The following KIAA0586 variants were observed in gnomAD, a reference collection of about 807,000 sequenced individuals.
KIAA0586 encodes the protein protein TALPID3.
Under a neutral mutation model 169.8 loss-of-function variants are expected in KIAA0586, and 144 were observed. The ratio of observed to expected loss-of-function variants is 0.85; its 90% CI spans 0.74 to 0.97. The LOEUF is 0.97. KIAA0586 is among the 50% of genes least tolerant of loss of function. The pLI, the probability that KIAA0586 is intolerant of heterozygous loss-of-function variation, is 0.00. For synonymous variants in KIAA0586, 625 were observed against 612.4 expected, an observed-to-expected ratio of 1.02 and a Z score of -0.30; for missense variants, 1,854 against 1,823.0, an observed-to-expected ratio of 1.02 and a Z score of -0.31.
intron 18 of KIAA0586, among the ~76,000 whole-genome samples, chr14:58,473,275 G>A (rs946295547): frequency 5.3e-5 from 8 of 152,094 alleles, no homozygotes; most frequent in African/African-American, 1.9e-4. Context: ...ATGTGAAGGG[G>A]AAAGTGGCTA....
At chr14:58,530,308 C>A (rs1243134853) in intron 29 of KIAA0586, among the ~76,000 whole-genome samples, 1 of 152,166 alleles carries the variant, frequency 6.6e-6, no homozygotes, top group Non-Finnish European at 1.5e-5. Flanking sequence ...ATCAAGCTAC[C>A]AATGACTTTC....
At chr14:58,500,382 A>G (rs143064178) in intron 27 of KIAA0586, among the ~76,000 whole-genome samples, 2,032 of 152,302 alleles carry the variant, frequency 0.013, 22 homozygotes, top group Middle Eastern at 0.024. Context: ...TATTTTCTCC[A>G]TAAGACACAG....
chr14:58,487,489 C>T (rs1264023827), intron 22 of KIAA0586, among the ~76,000 whole-genome samples: 2 of 151,896 alleles, frequency 1.3e-5, no homozygotes, highest in African/African-American at 4.8e-5. Context: ...GCCTGTAATC[C>T]CAGCTACTCA....
chr14:58,482,044 C>T (rs2042062184), intron 20 of KIAA0586, among the ~76,000 whole-genome samples: 1 of 150,732 alleles, frequency 6.6e-6, no homozygotes, highest in Non-Finnish European at 1.5e-5. Flanking sequence ...AATCTCCTGA[C>T]CTCATGATCC....
chr14:58,525,837 CA>C (rs562640851), intron 29 of KIAA0586, among the ~76,000 whole-genome samples: 138 of 152,334 alleles, frequency 9.1e-4, no homozygotes, highest in African/African-American at 3.1e-3. Context: ...GCCAGCACAG[CA>C]GTCTGAAGTC....
At chr14:58,474,573 A>G in intron 18 of KIAA0586, 34 bp from the exon 19 acceptor site, 4 of 1,439,030 alleles carry the variant, frequency 2.8e-6, no homozygotes, top group South Asian at 1.4e-5. Context: ...GAACAAATAC[A>G]TGAATATAAT....
At chr14:58,559,723 G>A in the KIAA0586 span, among the ~76,000 whole-genome samples, 1 of 152,196 alleles carries the variant, frequency 6.6e-6, no homozygotes, top group Non-Finnish European at 1.5e-5. Context: ...AGAATAGGAT[G>A]TCAGGATGAA....
chr14:58,430,917 C>T (rs927443345), intron 3 of KIAA0586, among the ~76,000 whole-genome samples, 200 bp downstream of exon 3: 1 of 152,138 alleles, frequency 6.6e-6, no homozygotes, highest in East Asian at 1.9e-4. Flanking sequence ...ATCCCCTCAG[C>T]CCTGGGCATC....
intron 14 of KIAA0586, chr14:58,464,074 G>A: frequency 2.4e-6 from 1 of 423,176 alleles, no homozygotes; most frequent in East Asian, 7.5e-5. Flanking sequence ...TCACATTGAT[G>A]ATCTGGAGAA....
chr14:58,467,451 G>A (rs1401614927), intron 15 of KIAA0586, among the ~76,000 whole-genome samples: 1 of 152,140 alleles, frequency 6.6e-6, no homozygotes, highest in Non-Finnish European at 1.5e-5. Context: ...GGAAGTGAAA[G>A]TTTTTGACAT....
intron 26 of KIAA0586, among the ~76,000 whole-genome samples, chr14:58,498,463 A>T (rs150076324): frequency 1.3e-5 from 2 of 152,316 alleles, no homozygotes; most frequent in Non-Finnish European, 1.5e-5. Context: ...GGCATGAGCC[A>T]CCGTGCTGGC....
At chr14:58,427,471 G>T (rs2036912509), upstream of KIAA0586, 4 of 887,988 alleles carry the variant, frequency 4.5e-6, no homozygotes, top group Middle Eastern at 4.9e-4. Context: ...ATTACAAGTC[G>T]GGAGCTCTTC....
At position 58,505,791 on chromosome 14, in the gene KIAA0586, G is replaced by GTTTAAAGTTTTT. The variant is rs1185155551; in HGVS notation, c.4169-2764_4169-2763insTTTAAAGTTTTT. Among the ~76,000 whole-genome samples the GTTTAAAGTTTTT allele has an allele frequency of 4.6e-4, 70 of 152,136 alleles. No homozygotes were observed. The East Asian group carries it at 0.011, about 23-fold the overall frequency. On this transcript the variant is annotated intron_variant, in intron 27 of 30. Transcript: ENST00000652326. ...CTCAGTTTTTCTTGTTAGTTTTAAA[G>GTTTAAAGTTTTT]CTGTTTCTATAGTTTAGATGTTTTC...
At chr14:58,531,679 C>G (rs2045977344) in intron 29 of KIAA0586, among the ~76,000 whole-genome samples, 1 of 152,214 alleles carries the variant, frequency 6.6e-6, no homozygotes, top group South Asian at 2.1e-4. Context: ...AATCCCTTTA[C>G]TGGGTATATA....
intron 30 of KIAA0586, among the ~76,000 whole-genome samples, chr14:58,543,347 A>T (rs1256967111): frequency 6.6e-6 from 1 of 152,144 alleles, no homozygotes; most frequent in African/African-American, 2.4e-5. Context: ...CCCTAAACCC[A>T]ACAGAATGTG....
Position 58,540,081 on chromosome 14 carries a change from T to C in KIAA0586, c.4440T>C (p.Gly1480=). 6.4e-7 allele frequency: 1 copy of C among 1,551,302 alleles called. No homozygotes were observed. Among genetic ancestry groups the C allele is most frequent in the Non-Finnish European group, 8.8e-7 (1 of 1,141,446 alleles). ...IAPSQQQVSP[G]DMDRTQIELN... is the part of the protein sequence containing the mutation. ...TAAATTTTTATGTAGTTTCACCAGG[T>C]GATATGGATCGGACACAAATTGAGC... is the stretch of plus-strand genomic sequence containing the variant. The change falls in exon 30 of 31, where the codon GGT becomes GGC. Residue 1480 remains glycine (G), a synonymous_variant. Coordinates refer to ENST00000652326, the MANE Select transcript of KIAA0586 (RefSeq NM_001329943.3).
chr14:58,474,621 TG>T lies in KIAA0586; in HGVS notation c.2650del (p.Asp884MetfsTer45). 6.3e-7 allele frequency: 1 copy of T among 1,581,002 alleles called. No individual in the cohort carries two copies. Among genetic ancestry groups the T allele is most frequent in the Non-Finnish European group, 8.6e-7 (1 of 1,168,760 alleles). ...IDVIQEEEKC[D>X]EIPDSEPILE... ...GTTACTACCAGGAAGAAGAAAAATG[TG>T]ATGAAATTCCAGACTCTGAACCAAT... is the stretch of plus-strand genomic sequence containing the variant. On this transcript the variant is annotated frameshift_variant, in exon 19 of 31. Transcript: ENST00000652326. LOFTEE classifies it high-confidence loss of function.
intron 2 of KIAA0586, among the ~76,000 whole-genome samples, chr14:58,429,827 G>A (rs1478581547): frequency 6.6e-6 from 1 of 152,114 alleles, no homozygotes; most frequent in Non-Finnish European, 1.5e-5. Context: ...TGTGAGAATG[G>A]TTTTGGTTTT....
chr14:58,442,912 C>T, intron 5 of KIAA0586, 32 bp downstream of exon 5: 1 of 1,516,944 alleles, frequency 6.6e-7, no homozygotes, highest in Non-Finnish European at 9.0e-7. Flanking sequence ...ATCATAACTA[C>T]TTTGTGAAAT....
Sources: gnomAD v4.1 joint callset for allele counts (sites outside exome capture counted in the v4.1 genomes callset) on GRCh38, gnomAD v4.1.1 for gene constraint, MANE v1.5 for transcripts, NCBI Gene and HGNC (gene_info 2026-07-23, HGNC 2026-07-21) for gene names.